NMRK1: variants seen among roughly 807,000 people sequenced by gnomAD.
NMRK1 encodes NRK 1.
NMRK1 carries 28 observed loss-of-function variants against 29.9 expected under a neutral mutation model. The observed-to-expected ratio is 0.94, with a 90% confidence interval of 0.69 to 1.28. NMRK1 has a LOEUF of 1.28. Among genes scored for constraint, NMRK1 ranks in the 50% most tolerant of loss-of-function variants. The pLI, the probability that NMRK1 is intolerant of heterozygous loss-of-function variation, is 0.00. For missense variants in NMRK1, 218 were observed against 233.1 expected, an observed-to-expected ratio of 0.94 and a Z score of 0.42; for synonymous variants, 58 against 73.0, an observed-to-expected ratio of 0.79 and a Z score of 1.05.
chr9:75,084,338 C>T (rs1376401677), intron 1 of NMRK1, among the ~76,000 whole-genome samples: 2 of 152,222 alleles, frequency 1.3e-5, no homozygotes, highest in African/African-American at 4.8e-5. Context: ...CACACTCTCC[C>T]TGGGGAGGGG....
At chr9:75,072,327 T>C (rs545990097) in intron 4 of NMRK1, among the ~76,000 whole-genome samples, 1 of 152,352 alleles carries the variant, frequency 6.6e-6, no homozygotes, top group Non-Finnish European at 1.5e-5. Flanking sequence ...CTAGGGTTTT[T>C]CATTGCAGTG....
chr9:75,082,423 T>C (rs1401039887), intron 2 of NMRK1, among the ~76,000 whole-genome samples: 3 of 152,206 alleles, frequency 2.0e-5, no homozygotes, highest in Non-Finnish European at 4.4e-5. Context: ...CAAAGTAGTC[T>C]CAGATATTTT....
intron 4 of NMRK1, among the ~76,000 whole-genome samples, chr9:75,075,769 C>T (rs1020587985): frequency 1.3e-5 from 2 of 152,174 alleles, no homozygotes; most frequent in Admixed American, 6.5e-5. Flanking sequence ...TGGCCTAGTA[C>T]TTTGGCCACC....
intron 2 of NMRK1, chr9:75,078,408 T>G (rs750748963): frequency 6.4e-7 from 1 of 1,554,958 alleles, no homozygotes; most frequent in South Asian, 1.2e-5. Context: ...TGCTGTAGCT[T>G]ATCACAACAG....
intron 8 of NMRK1, among the ~76,000 whole-genome samples, 172 bp from the exon 9 acceptor site, chr9:75,061,739 C>T (rs1377902706): frequency 7.2e-5 from 11 of 152,012 alleles, no homozygotes; most frequent in African/African-American, 2.4e-4. Context: ...TCTTTTAATC[C>T]CTGCATTAAA....
chr9:75,078,536 T>A (rs1824140338), intron 2 of NMRK1: 1 of 1,287,506 alleles, frequency 7.8e-7, no homozygotes, highest in Admixed American at 3.7e-5. Context: ...GAGGCACTTC[T>A]CGATTCAGTC....
intron 2 of NMRK1, among the ~76,000 whole-genome samples, chr9:75,080,945 C>A (rs926782730): frequency 2.0e-5 from 3 of 152,148 alleles, no homozygotes; most frequent in Non-Finnish European, 2.9e-5. Flanking sequence ...GTAGAGCCTG[C>A]AGAACAGTGA....
intron 7 of NMRK1, among the ~76,000 whole-genome samples, chr9:75,068,517 C>T (rs1823500387): frequency 1.3e-5 from 2 of 152,192 alleles, no homozygotes; most frequent in Admixed American, 6.5e-5. Context: ...GGGTAATCTT[C>T]TATCTCCCCA....
chr9:75,069,345 A>G, intron 6 of NMRK1: 1 of 513,534 alleles, frequency 1.9e-6, no homozygotes, highest in Non-Finnish European at 3.4e-6. Context: ...TTTTCCTTCT[A>G]GTGCTTTATA....
chr9:75,061,679 G>T, intron 8 of NMRK1, 112 bp from the exon 9 acceptor site: 1 of 838,174 alleles, frequency 1.2e-6, no homozygotes, highest in Non-Finnish European at 1.9e-6. Context: ...GGATTCTGGA[G>T]CCAAAAATGC....
At position 75,061,137 on chromosome 9, in the gene NMRK1, TCA is replaced by T. The variant is rs952345446; in HGVS notation, c.*409_*410del. On this transcript the variant is annotated 3_prime_UTR_variant, in exon 9 of 9. Transcript: ENST00000361092. ...TTGTGATACTTGATGTATGTATGTA[TCA>T]CACACACACATACACACCTACACAC... The T allele has an allele frequency of 1.2e-4, 20 of 171,870 alleles. No individual in the cohort carries two copies. Among genetic ancestry groups the T allele is most frequent in the East Asian group, 3.2e-4 (2 of 6,312 alleles). 10.6% of individuals were successfully genotyped at this position (171,870 alleles called of 1,614,324 possible).
chr9:75,074,316 A>T (rs1183985012), intron 4 of NMRK1, among the ~76,000 whole-genome samples: 1 of 151,504 alleles, frequency 6.6e-6, no homozygotes, highest in African/African-American at 2.4e-5. Flanking sequence ...CTTTCACTTA[A>T]TGTGGCTACT....
At chr9:75,067,522 A>G (rs1823430340) in intron 7 of NMRK1, among the ~76,000 whole-genome samples, 1 of 152,164 alleles carries the variant, frequency 6.6e-6, no homozygotes, top group Admixed American at 6.5e-5. Flanking sequence ...TGGCTAGAAT[A>G]TGGGGAAGCT....
intron 1 of NMRK1, among the ~76,000 whole-genome samples, chr9:75,083,501 C>T (rs1263432914): frequency 3.3e-5 from 5 of 152,232 alleles, no homozygotes; most frequent in East Asian, 3.8e-4. Flanking sequence ...ACGATTCAGT[C>T]GCCTGGGTAT....
intron 1 of NMRK1, among the ~76,000 whole-genome samples, chr9:75,083,659 C>T (rs992959640): frequency 3.3e-5 from 5 of 152,172 alleles, no homozygotes; most frequent in African/African-American, 1.2e-4. Context: ...AAAGTTACTG[C>T]TGGCCAGAGG....
chr9:75,078,128 C>T (rs764427638), intron 2 of NMRK1, among the ~76,000 whole-genome samples: 1 of 152,152 alleles, frequency 6.6e-6, no homozygotes, highest in Non-Finnish European at 1.5e-5. Flanking sequence ...GTAACACTAA[C>T]ACTTAAAAAT....
chr9:75,077,760 C>A (rs955200857), intron 2 of NMRK1, among the ~76,000 whole-genome samples, 180 bp from the exon 3 acceptor site: 2 of 151,904 alleles, frequency 1.3e-5, no homozygotes, highest in Non-Finnish European at 2.9e-5. Flanking sequence ...CTCAGCCTCC[C>A]GAGGAGCTGG....
rs35472028 is a variant in NMRK1 at position 75,069,944 on chromosome 9, C to T, written c.268G>A (p.Glu90Lys). ...TCGATGATTAAAATGGGAATTTCCT[C>T]AGCACTTTCCTGGTCTGTTGATACC... is the stretch of plus-strand genomic sequence containing the variant. ...SVVSTDQESA[E>K]EIPILIIEGF... The change falls in exon 5 of 9, where the codon GAG (glutamate) becomes AAG (lysine). Residue 90 changes from glutamate (E) to lysine (K), a missense_variant. Glu to Lys is a moderately conservative substitution (Grantham distance 56). Transcript: ENST00000361092. The T allele has an allele frequency of 1.9e-6, 3 of 1,614,022 alleles. No individual in the cohort carries two copies. The South Asian group carries it at 3.3e-5, about 18-fold the overall frequency.
intron 6 of NMRK1, chr9:75,069,449 A>C (rs1295445844): frequency 2.1e-6 from 1 of 474,880 alleles, no homozygotes; most frequent in Non-Finnish European, 3.7e-6. Flanking sequence ...TAGCTGTGGC[A>C]GAACAGGCTC....
Sources: gnomAD v4.1 joint callset for allele counts (sites outside exome capture counted in the v4.1 genomes callset) on GRCh38, gnomAD v4.1.1 for gene constraint, MANE v1.5 for transcripts, NCBI Gene and HGNC (gene_info 2026-07-23, HGNC 2026-07-21) for gene names.